Variants in AKAP13 observed in about 807,000 individuals in gnomAD.
The protein encoded by AKAP13 is A-kinase anchor protein 13.
A neutral mutation model predicts 264.5 loss-of-function variants in AKAP13; 80 were observed. That is an observed-to-expected ratio of 0.30 (90% CI 0.25 to 0.36). The LOEUF (loss-of-function observed/expected upper bound fraction) is 0.36, where lower values mean the gene tolerates loss of function less well. AKAP13 is among the 10% of genes least tolerant of loss of function. The pLI, the probability that AKAP13 is intolerant of heterozygous loss-of-function variation, is 1.00. For synonymous variants in AKAP13, 1,380 were observed against 1,250.2 expected (o/e 1.10, Z -2.19); for missense variants, 3,712 against 3,435.2 (o/e 1.08, Z -2.01).
intron 2 of AKAP13, among the ~76,000 whole-genome samples, chr15:85,508,269 G>T (rs191971259): frequency 2.6e-5 from 4 of 151,624 alleles, no homozygotes; most frequent in African/African-American, 4.8e-5. Context: ...TCAGCCTCCT[G>T]AGTAGCTGGG....
chr15:85,503,226 G>C (rs914972739), intron 2 of AKAP13, among the ~76,000 whole-genome samples: 2 of 152,146 alleles, frequency 1.3e-5, no homozygotes, highest in Admixed American at 1.3e-4. Flanking sequence ...TTTCAGATAT[G>C]GGATTATAAT....
At chr15:85,574,628 C>T (rs2151297137) in intron 5 of AKAP13, among the ~76,000 whole-genome samples, 1 of 152,268 alleles carries the variant, frequency 6.6e-6, no homozygotes, top group African/African-American at 2.4e-5. Context: ...GTGTAATTGA[C>T]TTCAATAATC....
Position 85,628,435 on chromosome 15 carries a change from C to T in AKAP13, c.4162-10939C>T, listed in dbSNP as rs563521267. Among the ~76,000 whole-genome samples the T allele has an allele frequency of 2.6e-5, 4 of 152,094 alleles. No homozygotes were observed. In the South Asian group the frequency reaches 6.2e-4, roughly 24 times the overall value. On this transcript the variant is annotated intron_variant, in intron 8 of 36. Coordinates refer to ENST00000394518, the MANE Select transcript of AKAP13 (RefSeq NM_007200.5). The stretch of plus-strand genomic sequence containing the variant: ...TTTCCCAATCCTGGTGCAGAAGCCC[C>T]GAATTATCGGAAATGTTACTGTTCT...
At chr15:85,412,579 G>A (rs1008446920) in intron 1 of AKAP13, among the ~76,000 whole-genome samples, 12 of 152,112 alleles carry the variant, frequency 7.9e-5, no homozygotes, top group African/African-American at 2.9e-4. Context: ...AAATTTTTCA[G>A]TTTTAATTTC....
intron 8 of AKAP13, among the ~76,000 whole-genome samples, chr15:85,608,138 C>T (rs1166288338): frequency 1.1e-5 from 1 of 89,872 alleles, no homozygotes; most frequent in Non-Finnish European, 2.6e-5. Context: ...TAGAGCTATT[C>T]TTTTTTTGAA....
At chr15:85,512,917 T>C (rs1411265011) in intron 2 of AKAP13, among the ~76,000 whole-genome samples, 1 of 152,084 alleles carries the variant, frequency 6.6e-6, no homozygotes, top group Non-Finnish European at 1.5e-5. Context: ...AGTGCAGTGG[T>C]GTGATCTCGG....
At chr15:85,385,459 A>G (rs543551332) in intron 1 of AKAP13, among the ~76,000 whole-genome samples, 22 of 152,288 alleles carry the variant, frequency 1.4e-4, no homozygotes, top group Non-Finnish European at 2.1e-4. Context: ...ACAGGTGTAT[A>G]CATTCATATA....
intron 5 of AKAP13, among the ~76,000 whole-genome samples, chr15:85,546,954 G>A (rs1273398405): frequency 2.0e-5 from 3 of 152,076 alleles, no homozygotes; most frequent in Non-Finnish European, 4.4e-5. Flanking sequence ...ATGTTGGTCA[G>A]GCTGGTCTCG....
At chr15:85,491,207 C>T (rs528057809) in intron 2 of AKAP13, among the ~76,000 whole-genome samples, 23 of 152,036 alleles carry the variant, frequency 1.5e-4, no homozygotes, top group African/African-American at 5.1e-4. Context: ...GGCCTACCTT[C>T]CCTCACATCT....
intron 1 of AKAP13, among the ~76,000 whole-genome samples, chr15:85,412,940 A>G (rs2072051707): frequency 1.3e-5 from 2 of 152,212 alleles, no homozygotes; most frequent in Non-Finnish European, 2.9e-5. Context: ...AGTTTTACAA[A>G]TCAGGGGGCT....
intron 5 of AKAP13, among the ~76,000 whole-genome samples, chr15:85,557,796 G>A (rs2078206496): frequency 6.6e-6 from 1 of 152,112 alleles, no homozygotes; most frequent in Non-Finnish European, 1.5e-5. Context: ...TTTAGAACAT[G>A]ACTGTTAAAG....
rs765710494 is a variant in AKAP13 at position 85,664,590 on chromosome 15, A to T, written c.4827A>T (p.Gly1609=). The change falls in exon 13 of 37, where the codon GGA becomes GGT. Residue 1609 remains glycine (G), a synonymous_variant. Coordinates refer to ENST00000394518, the MANE Select transcript of AKAP13 (RefSeq NM_007200.5). ...TCAGTCTAGAAGGCTTGACAGGAGG[A>T]GCTGGTGTCGGAAACAAGCCATCCT... is the stretch of plus-strand genomic sequence containing the variant. ...RSFSLEGLTG[G]AGVGNKPSSS... 1.9e-6 allele frequency: 3 copies of T among 1,613,378 alleles called. No homozygotes were observed. The highest frequency in any genetic ancestry group is 2.5e-6 in the Non-Finnish European group (3 of 1,179,566).
intron 3 of AKAP13, among the ~76,000 whole-genome samples, chr15:85,528,815 T>C (rs931652476): frequency 2.6e-5 from 4 of 152,190 alleles, no homozygotes; most frequent in African/African-American, 9.7e-5. Flanking sequence ...GGAATTAAAG[T>C]TTGGGCTGTG....
intron 1 of AKAP13, among the ~76,000 whole-genome samples, chr15:85,473,499 A>G (rs1199001868): frequency 6.6e-6 from 1 of 152,242 alleles, no homozygotes; most frequent in Non-Finnish European, 1.5e-5. Flanking sequence ...CTGATTCTCC[A>G]CATAAGTTAA....
chr15:85,458,382 T>G (rs1292756204), intron 1 of AKAP13, among the ~76,000 whole-genome samples: 1 of 123,004 alleles, frequency 8.1e-6, no homozygotes, highest in East Asian at 2.5e-4. Context: ...TTTTTGTATT[T>G]TTTGTTTTTT....
intron 6 of AKAP13, chr15:85,577,948 A>G (rs187802671): frequency 1.1e-5 from 5 of 473,702 alleles, no homozygotes; most frequent in African/African-American, 8.5e-5. Flanking sequence ...ACTTGTATAT[A>G]TGAGGCAGGG....
intron 8 of AKAP13, among the ~76,000 whole-genome samples, chr15:85,587,217 TAGAG>T (rs2079398051): frequency 6.6e-6 from 1 of 152,200 alleles, no homozygotes; most frequent in South Asian, 2.1e-4. Context: ...TGTAAATCCA[TAGAG>T]AGATTTGCTG....
At chr15:85,451,878 G>A (rs537617310) in intron 1 of AKAP13, among the ~76,000 whole-genome samples, 1 of 152,208 alleles carries the variant, frequency 6.6e-6, no homozygotes, top group African/African-American at 2.4e-5. Context: ...TATTGCAGGA[G>A]TTCTTTGTAT....
At chr15:85,645,782 T>G (rs1567172791) in intron 9 of AKAP13, 36 bp from the exon 10 acceptor site, 2 of 1,542,472 alleles carry the variant, frequency 1.3e-6, no homozygotes. Context: ...TTTGTTTTTT[T>G]TTTTTCAATA....
Sources: allele counts gnomAD v4.1 joint callset (sites outside exome capture counted in the v4.1 genomes callset), GRCh38; gene constraint gnomAD v4.1.1; transcripts MANE v1.5; gene names NCBI Gene and HGNC (gene_info 2026-07-23, HGNC 2026-07-21).